FHIT: variants seen among roughly 807,000 people sequenced by gnomAD.
FHIT encodes bis(5'-adenosyl)-triphosphatase.
Under a neutral mutation model 17.9 loss-of-function variants are expected in FHIT, and 19 were observed. That is an observed-to-expected ratio of 1.06 (90% CI 0.74 to 1.56). FHIT has a LOEUF of 1.56. FHIT is among the 40% of genes most tolerant of loss of function. The pLI is 0.00. For missense variants in FHIT, 248 were observed against 189.2 expected, an observed-to-expected ratio of 1.31 and a Z score of -1.82; for synonymous variants, 81 against 69.7, an observed-to-expected ratio of 1.16 and a Z score of -0.81.
chr3:60,806,870 C>A (rs1341556281), intron 4 of FHIT, among the ~76,000 whole-genome samples: 1 of 152,146 alleles, frequency 6.6e-6, no homozygotes. Context: ...TATCTCGTAC[C>A]ATCAAGGGGT....
At chr3:59,948,030 T>A (rs1706912018) in intron 7 of FHIT, among the ~76,000 whole-genome samples, 1 of 152,174 alleles carries the variant, frequency 6.6e-6, no homozygotes, top group Non-Finnish European at 1.5e-5. Flanking sequence ...GTACCACTGT[T>A]TGTTTAACCA....
At chr3:60,418,715 T>C (rs1196467966) in intron 5 of FHIT, among the ~76,000 whole-genome samples, 1 of 151,470 alleles carries the variant, frequency 6.6e-6, no homozygotes, top group Non-Finnish European at 1.5e-5. Flanking sequence ...CTAGTATTCA[T>C]GCTACTGCAC....
intron 8 of FHIT, among the ~76,000 whole-genome samples, chr3:59,840,101 T>A (rs1701476365): frequency 6.6e-6 from 1 of 152,170 alleles, no homozygotes; most frequent in Admixed American, 6.5e-5. Context: ...TGTCACTCTG[T>A]GGGCTATGTT....
intron 3 of FHIT, among the ~76,000 whole-genome samples, chr3:60,863,981 A>G (rs1407815637): frequency 6.6e-6 from 1 of 152,186 alleles, no homozygotes; most frequent in Non-Finnish European, 1.5e-5. Flanking sequence ...AAAGAAGTTT[A>G]ATGGACTCAC....
At chr3:60,909,578 A>G (rs1706622440) in intron 3 of FHIT, among the ~76,000 whole-genome samples, 1 of 152,140 alleles carries the variant, frequency 6.6e-6, no homozygotes, top group Non-Finnish European at 1.5e-5. Flanking sequence ...TTTTATTTTT[A>G]TCATCCCATT....
At chr3:60,537,558 C>G (rs183363602) in intron 4 of FHIT, 1 of 615,120 alleles carries the variant, frequency 1.6e-6, no homozygotes, top group East Asian at 1.4e-4. Context: ...AAGGAAGGAG[C>G]AAAACGGAGT....
At chr3:59,975,588 C>G (rs1341960977) in intron 7 of FHIT, among the ~76,000 whole-genome samples, 2 of 151,828 alleles carry the variant, frequency 1.3e-5, no homozygotes, top group East Asian at 3.9e-4. Context: ...AAGAATGCTT[C>G]TGCTTGAAGT....
intron 1 of FHIT, among the ~76,000 whole-genome samples, chr3:61,236,211 TTA>T (rs1035021189): frequency 1.0e-4 from 15 of 147,958 alleles, no homozygotes; most frequent in Non-Finnish European, 1.3e-4. Context: ...GTATATTATA[TTA>T]TATGTTATAA....
intron 3 of FHIT, among the ~76,000 whole-genome samples, chr3:61,032,761 G>A (rs1285172633): frequency 1.3e-5 from 2 of 152,182 alleles, no homozygotes; most frequent in East Asian, 1.9e-4. Flanking sequence ...GAACCAATGG[G>A]ATAAATGTAG....
intron 4 of FHIT, among the ~76,000 whole-genome samples, chr3:60,547,445 T>A (rs1412038475): frequency 1.3e-5 from 2 of 152,152 alleles, no homozygotes; most frequent in East Asian, 1.9e-4. Flanking sequence ...CAGAAGTAGA[T>A]ACATAAATGA....
At chr3:60,001,080 C>T (rs1300713045) in intron 7 of FHIT, among the ~76,000 whole-genome samples, 6 of 152,190 alleles carry the variant, frequency 3.9e-5, no homozygotes, top group Admixed American at 1.3e-4. Flanking sequence ...ATTCCCCTTC[C>T]ACCATGTCAT....
intron 5 of FHIT, among the ~76,000 whole-genome samples, chr3:60,289,291 C>T (rs1269807983): frequency 2.6e-5 from 4 of 152,158 alleles, no homozygotes; most frequent in African/African-American, 9.7e-5. Flanking sequence ...CTACATAATA[C>T]TTTCATTTAA....
intron 5 of FHIT, among the ~76,000 whole-genome samples, chr3:60,038,976 T>A (rs1288535604): frequency 1.3e-5 from 2 of 152,098 alleles, no homozygotes; most frequent in African/African-American, 4.8e-5. Flanking sequence ...GGTCAGGAAT[T>A]TTGGATCATC....
At chr3:60,181,635 A>G (rs753983609) in intron 5 of FHIT, among the ~76,000 whole-genome samples, 7 of 152,206 alleles carry the variant, frequency 4.6e-5, no homozygotes, top group African/African-American at 7.2e-5. Flanking sequence ...GACATGTTTA[A>G]TAAGCACAAA....
At chr3:60,779,529 C>T (rs546237514) in intron 4 of FHIT, among the ~76,000 whole-genome samples, 8 of 152,290 alleles carry the variant, frequency 5.3e-5, no homozygotes, top group South Asian at 4.1e-4. Context: ...CCAAGCATCA[C>T]GTATCCAAAT....
At chr3:59,813,964 C>G (rs895558131) in intron 8 of FHIT, among the ~76,000 whole-genome samples, 1 of 151,814 alleles carries the variant, frequency 6.6e-6, no homozygotes, top group African/African-American at 2.4e-5. Context: ...CACAAATGAC[C>G]TGATGTCATA....
Position 60,534,460 on chromosome 3 carries a change from AAAAG to A in FHIT, c.103+2396_103+2399del, listed in dbSNP as rs1357901995. 5.6e-3 allele frequency among the ~76,000 whole-genome samples: 441 copies of A among 78,070 alleles called. 6 individuals carry two copies. Among genetic ancestry groups the A allele is most frequent in the East Asian group, 1.0e-2 (22 of 2,210 alleles). The allele number at this position is 78,070 out of a possible 152,430, so 51.2% of individuals were successfully genotyped here. A position where few individuals can be genotyped will look rare whatever the true frequency, so the allele number is the denominator to read the frequency against. On this transcript the variant is annotated intron_variant, in intron 5 of 9. Coordinates refer to ENST00000492590, the MANE Select transcript of FHIT (RefSeq NM_002012.4). The stretch of plus-strand genomic sequence containing the variant: ...GTCTCAAAAAAAAAAAAAAAAAAAA[AAAAG>A]ATGCGTCTCCCAGTTGTAACATGGC...
chr3:60,195,083 T>C (rs1324834092), intron 5 of FHIT, among the ~76,000 whole-genome samples: 1 of 152,072 alleles, frequency 6.6e-6, no homozygotes, highest in African/African-American at 2.4e-5. Flanking sequence ...GGAGAATCAC[T>C]TGAACCCAGA....
intron 1 of FHIT, among the ~76,000 whole-genome samples, chr3:61,223,328 CT>C (rs2039887893): frequency 6.6e-6 from 1 of 152,164 alleles, no homozygotes; most frequent in South Asian, 2.1e-4. Context: ...AAGAAACAAT[CT>C]GAGAAACTGT....
Sources: allele counts gnomAD v4.1 joint callset (sites outside exome capture counted in the v4.1 genomes callset), GRCh38; gene constraint gnomAD v4.1.1; transcripts MANE v1.5; gene names NCBI Gene and HGNC (gene_info 2026-07-23, HGNC 2026-07-21).